Variants in DPP4 observed in about 807,000 individuals in gnomAD.
DPP4 encodes the protein dipeptidyl peptidase 4.
A neutral mutation model predicts 122.4 loss-of-function variants in DPP4; 93 were observed. The ratio of observed to expected loss-of-function variants is 0.76; its 90% confidence interval spans 0.64 to 0.90. The LOEUF is 0.90. Ranked by LOEUF, DPP4 falls within the 40% of genes least tolerant of loss-of-function variation. The pLI is 0.00. For missense variants in DPP4, 914 were observed against 907.3 expected (o/e 1.01, Z -0.09); for synonymous variants, 321 against 302.9 (o/e 1.06, Z -0.62).
In DPP4 at chr2:162,019,226, T is replaced by C. The variant is rs776989646; in HGVS notation, c.1295A>G (p.Tyr432Cys). 3 of 1,597,274 alleles carry C rather than the reference T, an allele frequency of 1.9e-6. No homozygotes were observed. Among genetic ancestry groups the C allele is most frequent in the South Asian group, 1.1e-5 (1 of 89,286 alleles). Residue 432 changes from tyrosine to cysteine, a missense_variant, in exon 15 of 26, where the codon TAT (tyrosine) becomes TGT (cysteine). Physicochemically the swap from Tyr to Cys is radical, Grantham distance 194. Coordinates refer to ENST00000360534, the MANE Select transcript of DPP4 (RefSeq NM_001935.4). ...AACAACTTGACAGAGCTCTTACTTA[T>C]AAAGATTCCTTCCTCCTGGCATTCC... is the stretch of plus-strand genomic sequence containing the variant. ...YKGMPGGRNL[Y>C]KIQLSDYTKV...
chr2:162,024,131 T>G (rs751112726), intron 11 of DPP4, among the ~76,000 whole-genome samples: 5 of 152,172 alleles, frequency 3.3e-5, no homozygotes, highest in Non-Finnish European at 5.9e-5. Flanking sequence ...TAAGGGGGAT[T>G]GGGGAGGTAT....
chr2:162,005,835 A>T (rs1701271391), intron 22 of DPP4, 26 bp from the exon 23 acceptor site: 1 of 1,596,362 alleles, frequency 6.3e-7, no homozygotes, highest in Non-Finnish European at 8.5e-7. Context: ...AAATAAAAAA[A>T]AGTTTAATTC....
At chr2:162,030,051 A>T (rs1488125193) in intron 10 of DPP4, among the ~76,000 whole-genome samples, 1 of 152,172 alleles carries the variant, frequency 6.6e-6, no homozygotes, top group African/African-American at 2.4e-5. Context: ...CACACTGGAG[A>T]TACGATTGCA....
Position 162,074,173 on chromosome 2 carries a change from A to G in DPP4, c.-192T>C, listed in dbSNP as rs1243584223. On this transcript the variant is annotated 5_prime_UTR_variant, in exon 1 of 26. Coordinates refer to ENST00000360534, the MANE Select transcript of DPP4 (RefSeq NM_001935.4). Reference sequence around the variant, plus strand: ...TATAAAGGCGCCGCGGGCAGGCTGCAGGGCAGGCGGCGCGGGAGCAGGCGC... The same window carrying G: ...TATAAAGGCGCCGCGGGCAGGCTGCGGGGCAGGCGGCGCGGGAGCAGGCGC... The G allele has an allele frequency of 7.9e-7, 1 of 1,267,056 alleles. No homozygotes were observed. The highest frequency in any genetic ancestry group is 9.9e-7 in the Non-Finnish European group (1 of 1,008,310). The allele number at this position is 1,267,056 out of a possible 1,614,324, so 78.5% of individuals were successfully genotyped here. A position where few individuals can be genotyped will look rare whatever the true frequency, so the allele number is the denominator to read the frequency against.
chr2:162,013,441 T>C (rs1682784143), intron 19 of DPP4, among the ~76,000 whole-genome samples: 1 of 152,180 alleles, frequency 6.6e-6, no homozygotes, highest in African/African-American at 2.4e-5. Flanking sequence ...TTTGTGCTTT[T>C]ATGTGTGGTT....
At chr2:162,059,441 T>C (rs546172583) in intron 2 of DPP4, among the ~76,000 whole-genome samples, 66 of 152,330 alleles carry the variant, frequency 4.3e-4, no homozygotes, top group African/African-American at 1.5e-3. Context: ...AGTGTATGAC[T>C]AAATGACTCA....
intron 2 of DPP4, 92 bp from the exon 3 acceptor site, chr2:162,047,593 C>G (rs1036069899): frequency 9.9e-6 from 8 of 804,042 alleles, no homozygotes; most frequent in Non-Finnish European, 1.5e-5. Context: ...TACAATATAC[C>G]CTGCTCAAAA....
chr2:161,995,133 G>A, intron 24 of DPP4, 99 bp from the exon 25 acceptor site: 1 of 1,411,480 alleles, frequency 7.1e-7, no homozygotes, highest in Non-Finnish European at 1.0e-6. Flanking sequence ...ACTGTTTGAA[G>A]TTCTAGGACT....
At chr2:162,015,096 C>T (rs1005376092) in intron 18 of DPP4, among the ~76,000 whole-genome samples, 32 of 152,060 alleles carry the variant, frequency 2.1e-4, no homozygotes, top group Non-Finnish European at 4.6e-4. Flanking sequence ...AAATTTGTCC[C>T]TAAATAATGA....
chr2:162,059,843 AAAAC>A (rs1465454966), intron 2 of DPP4, among the ~76,000 whole-genome samples: 7 of 152,242 alleles, frequency 4.6e-5, no homozygotes, highest in Admixed American at 3.9e-4. Context: ...TGGAGCTGTT[AAAAC>A]AAACAAACAA....
At chr2:162,072,767 C>T (rs1013075674) in intron 2 of DPP4, among the ~76,000 whole-genome samples, 3 of 152,122 alleles carry the variant, frequency 2.0e-5, no homozygotes, top group Non-Finnish European at 2.9e-5. Context: ...TAAAAGAATC[C>T]ACCAAAACAT....
chr2:162,009,357 G>C (rs1000298157), intron 20 of DPP4, 62 bp from the exon 21 acceptor site: 54 of 1,468,192 alleles, frequency 3.7e-5, no homozygotes, highest in Non-Finnish European at 3.8e-5. Context: ...ACTTAGATGA[G>C]GCACAAATGT....
At chr2:162,032,705 AC>A (rs369277328) in intron 10 of DPP4, among the ~76,000 whole-genome samples, 240 of 125,676 alleles carry the variant, frequency 1.9e-3, no homozygotes, top group African/African-American at 5.2e-3. Context: ...AACAACAACA[AC>A]AACAAAAAAA....
At chr2:162,042,748 C>T (rs573408640) in intron 5 of DPP4, among the ~76,000 whole-genome samples, 1 of 152,204 alleles carries the variant, frequency 6.6e-6, no homozygotes, top group Non-Finnish European at 1.5e-5. Flanking sequence ...GCTATGTGGC[C>T]CTGTCCTAGG....
chr2:162,021,946 G>T (rs933112374), intron 12 of DPP4, among the ~76,000 whole-genome samples: 1 of 152,296 alleles, frequency 6.6e-6, no homozygotes, highest in African/African-American at 2.4e-5. Context: ...GCTAGAAGGG[G>T]TTGTCTTCTT....
intron 23 of DPP4, among the ~76,000 whole-genome samples, chr2:161,995,883 A>G (rs910089957): frequency 6.6e-6 from 1 of 152,216 alleles, no homozygotes; most frequent in African/African-American, 2.4e-5. Context: ...TGAGCTCTGA[A>G]TGAAAAGCAA....
chr2:162,020,209 T>C lies in DPP4; in HGVS notation c.1244+20A>G. On this transcript the variant is annotated intron_variant, in intron 14 of 25. Transcript: ENST00000360534. ...TTATGACAAGTAGGTTTATATCCTATCAATTGTTACAATACTCACAGATAA... is the reference window on the plus strand; with the variant it reads ...TTATGACAAGTAGGTTTATATCCTACCAATTGTTACAATACTCACAGATAA... 1.3e-6 allele frequency: 2 copies of C among 1,595,940 alleles called. No homozygotes were observed. Among genetic ancestry groups the C allele is most frequent in the South Asian group, 1.1e-5 (1 of 87,450 alleles).
intron 23 of DPP4, among the ~76,000 whole-genome samples, chr2:161,999,016 A>T (rs1002049252): frequency 1.2e-4 from 18 of 152,230 alleles, no homozygotes; most frequent in Admixed American, 4.6e-4. Flanking sequence ...TCACTGGGAG[A>T]AGCCTCCAGA....
At chr2:162,024,773 C>G (rs1399438226) in intron 11 of DPP4, 31 bp downstream of exon 11, 1 of 1,608,536 alleles carries the variant, frequency 6.2e-7, no homozygotes, top group East Asian at 2.2e-5. Flanking sequence ...ACATGTTGCT[C>G]TAGAAGCAGA....
Sources: gnomAD v4.1 joint callset for allele counts (sites outside exome capture counted in the v4.1 genomes callset) on GRCh38, gnomAD v4.1.1 for gene constraint, MANE v1.5 for transcripts, NCBI Gene and HGNC (gene_info 2026-07-23, HGNC 2026-07-21) for gene names.